The following FBXL18 variants were observed in gnomAD, a reference collection of about 807,000 sequenced individuals.
The protein encoded by FBXL18 is F-box/LRR-repeat protein 18.
In FBXL18, 36 loss-of-function variants were observed where a neutral mutation model predicts 46.0. That is an observed-to-expected ratio of 0.78 (90% CI 0.60 to 1.03). FBXL18 has a LOEUF of 1.03. Ranked by LOEUF, FBXL18 falls within the 50% of genes least tolerant of loss-of-function variation. FBXL18 has a pLI of 0.00. For synonymous variants in FBXL18, 557 were observed against 465.3 expected, an observed-to-expected ratio of 1.20 and a Z score of -2.54; for missense variants, 977 against 1,004.1, an observed-to-expected ratio of 0.97 and a Z score of 0.36.
chr7:5,481,672 G>T lies in FBXL18; in HGVS notation c.*103C>A. ...AGCCAGGTGGGGCGTGGCTGGCCGG[G>T]AGAGAGGCCCCCTTCCTCTTGTGAC... On this transcript the variant is annotated 3_prime_UTR_variant, in exon 5 of 5. Transcript: ENST00000382368. The T allele has an allele frequency of 7.7e-7, 1 of 1,295,098 alleles. No individual in the cohort carries two copies. The highest frequency in any genetic ancestry group is 1.1e-6 in the Non-Finnish European group (1 of 922,256). The allele number at this position is 1,295,098 out of a possible 1,614,324, so 80.2% of individuals were successfully genotyped here.
At chr7:5,471,427 C>A (rs1420574082), downstream of FBXL18, among the ~76,000 whole-genome samples, 7 of 152,210 alleles carry the variant, frequency 4.6e-5, no homozygotes, top group Admixed American at 1.3e-4. Flanking sequence ...CAGGCGCCCG[C>A]CACCACACCC....
At position 5,500,823 on chromosome 7, in the gene FBXL18, C is replaced by A; in HGVS notation, c.1446G>T (p.Leu482=). The A allele has an allele frequency of 6.2e-7, 1 of 1,612,224 alleles. No homozygotes were observed. Among genetic ancestry groups the A allele is most frequent in the Non-Finnish European group, 8.5e-7 (1 of 1,179,500 alleles). The change falls in exon 3 of 5, where the codon CTG becomes CTT. Residue 482 remains leucine, a synonymous_variant. Coordinates refer to ENST00000382368, the MANE Select transcript of FBXL18 (RefSeq NM_024963.6). ...SSVFWSLLKN[L]PFLEHLELIG... ...TCAGCTCGAGGTGTTCCAGGAAGGG[C>A]AGGTTCTTCAGCAGAGACCAGAACA... is the stretch of plus-strand genomic sequence containing the variant.
intron 4 of FBXL18, among the ~76,000 whole-genome samples, chr7:5,457,823 C>T (rs1250326196): frequency 2.0e-5 from 3 of 152,176 alleles, no homozygotes; most frequent in Non-Finnish European, 2.9e-5. Flanking sequence ...CACGTTATGG[C>T]GGAAGGCCAT....
rs538031026 is a variant in FBXL18, at chr7:5,478,846, G to A, written c.*2929C>T. 6.6e-6 allele frequency: 1 copy of A among 152,094 alleles called. No homozygotes were observed. Among genetic ancestry groups the A allele is most frequent in the African/African-American group, 2.4e-5 (1 of 41,406 alleles). The allele number at this position is 152,094 out of a possible 1,614,324, so 9.4% of individuals were successfully genotyped here. A position where few individuals can be genotyped will look rare whatever the true frequency, so the allele number is the denominator to read the frequency against. On this transcript the variant is annotated 3_prime_UTR_variant, in exon 5 of 5. Transcript: ENST00000382368. ...CACACACAGGGCACAGGTACCCGCA[G>A]GCACACGTGCACGCAGGCACACGCA...
intron 4 of FBXL18, chr7:5,490,169 A>T (rs1461501611): frequency 2.2e-6 from 3 of 1,352,688 alleles, no homozygotes; most frequent in African/African-American, 1.5e-5. Flanking sequence ...TCTTCTCGCA[A>T]CTCTGTGAAC....
intron 4 of FBXL18, chr7:5,490,038 A>T: frequency 1.5e-6 from 2 of 1,334,004 alleles, no homozygotes; most frequent in Non-Finnish European, 2.0e-6. Flanking sequence ...GAGAGGGGGA[A>T]ACCCCAACCA....
chr7:5,505,677 T>C, intron 1 of FBXL18, 47 bp from the exon 2 acceptor site: 1 of 1,546,552 alleles, frequency 6.5e-7, no homozygotes, highest in Non-Finnish European at 8.9e-7. Flanking sequence ...CAAGGATGGC[T>C]GTCAGCCTAG....
intron 3 of FBXL18, 100 bp downstream of exon 3, chr7:5,500,388 A>C: frequency 2.7e-6 from 3 of 1,119,398 alleles, no homozygotes; most frequent in Non-Finnish European, 3.8e-6. Context: ...CAGCCTCTGC[A>C]CTCCTGGAGG....
Position 5,492,771 on chromosome 7 carries a change from C to T in FBXL18, c.1782-1322G>A, listed in dbSNP as rs78542442. 4.6e-3 allele frequency among the ~76,000 whole-genome samples: 699 copies of T among 152,232 alleles called. 1 individual carries two copies. The highest frequency in any genetic ancestry group is 7.6e-3 in the Non-Finnish European group (517 of 68,020). ...ACAACAGAGGCAGAGACTGGGGCCA[C>T]GTGTCCACCAGCCAAGCAGTGCCAG... On this transcript the variant is annotated intron_variant, in intron 3 of 4. Coordinates refer to ENST00000382368, the MANE Select transcript of FBXL18 (RefSeq NM_024963.6).
In FBXL18 at chr7:5,455,188, T is replaced by C. The variant is rs574218167; in HGVS notation, c.2001-7345A>G. ...CTCTTGGGGATTATCTTGAGAGCAC[T>C]CTCAGAGGAGCACTCCAAGGAGTAC... On this transcript the variant is annotated intron_variant and NMD_transcript_variant, in intron 4 of 6. Coordinates refer to the FBXL18 transcript ENST00000415009. This position sits in a 1 kb window ranked among gnomAD's most constrained non-coding sequence, Gnocchi z 4.6. Among the ~76,000 whole-genome samples, 4 of 152,152 alleles carry C rather than the reference T, an allele frequency of 2.6e-5. No individual in the cohort carries two copies. The highest frequency in any genetic ancestry group is 9.6e-5 in the African/African-American group (4 of 41,510).
intron 1 of FBXL18, among the ~76,000 whole-genome samples, chr7:5,509,112 G>T (rs1453691503): frequency 6.6e-6 from 1 of 150,702 alleles, no homozygotes; most frequent in Non-Finnish European, 1.5e-5. Context: ...AGAATCGCTT[G>T]AACCCGGGAG....
At chr7:5,511,763 A>T (rs1467693439) in intron 1 of FBXL18, among the ~76,000 whole-genome samples, 1 of 128,202 alleles carries the variant, frequency 7.8e-6, no homozygotes, top group Admixed American at 8.2e-5. Flanking sequence ...GCGAGACTCC[A>T]TCTCAAAAAA....
intron 4 of FBXL18, chr7:5,489,842 G>C (rs1211553797): frequency 2.4e-6 from 1 of 412,182 alleles, no homozygotes; most frequent in Admixed American, 3.7e-5. Flanking sequence ...TGTAATCCCA[G>C]CTGCTCAGGA....
intron 4 of FBXL18, among the ~76,000 whole-genome samples, chr7:5,454,707 C>G (rs529677575): frequency 4.0e-4 from 61 of 152,256 alleles, no homozygotes; most frequent in African/African-American, 1.3e-3. Context: ...GGGCACACAG[C>G]GAGGGAGCAA....
downstream of FBXL18, among the ~76,000 whole-genome samples, chr7:5,472,036 C>A (rs993376921): frequency 6.6e-6 from 1 of 152,134 alleles, no homozygotes; most frequent in African/African-American, 2.4e-5. Context: ...TGCAGTGAAG[C>A]AGGATGACGC....
At chr7:5,503,523 T>C (rs1050843008) in intron 2 of FBXL18, among the ~76,000 whole-genome samples, 15 of 47,312 alleles carry the variant, frequency 3.2e-4, no homozygotes, top group African/African-American at 1.6e-3. Flanking sequence ...CATGCTCATT[T>C]TTCTCTTTTT....
In FBXL18 at chr7:5,455,689, C is replaced by G. The variant is rs192733115; in HGVS notation, c.2001-7846G>C. Among the ~76,000 whole-genome samples, 1 of 152,012 alleles carries G rather than the reference C, an allele frequency of 6.6e-6. No homozygotes were observed. Among genetic ancestry groups the G allele is most frequent in the Non-Finnish European group, 1.5e-5 (1 of 68,006 alleles). ...GGGGCTCAAACCCAGGCTGTGAATTCGGGGAAGTGGGAAACAGAACTTTTT... is the reference window on the plus strand; with the variant it reads ...GGGGCTCAAACCCAGGCTGTGAATTGGGGGAAGTGGGAAACAGAACTTTTT... On this transcript the variant is annotated intron_variant and NMD_transcript_variant, in intron 4 of 6. Coordinates refer to the FBXL18 transcript ENST00000415009. This position sits in a 1 kb window ranked among gnomAD's most constrained non-coding sequence, Gnocchi z 4.6.
At chr7:5,471,883 C>T (rs1263559363), downstream of FBXL18, among the ~76,000 whole-genome samples, 3 of 152,266 alleles carry the variant, frequency 2.0e-5, no homozygotes, top group South Asian at 2.1e-4. Context: ...GAGGCTGAGG[C>T]GGGAGGATTT....
rs942841061 is a variant in FBXL18, at chr7:5,456,302, G to T, written c.2001-8459C>A. 2.0e-5 allele frequency among the ~76,000 whole-genome samples: 3 copies of T among 152,334 alleles called. No homozygotes were observed. The East Asian group carries it at 5.8e-4, about 29-fold the overall frequency. The stretch of plus-strand genomic sequence containing the variant: ...CCTGGGCTCTCAGGAGGCAAAGCCA[G>T]CCATCCCTCAGTTTCCACTTCACCC... On this transcript the variant is annotated intron_variant and NMD_transcript_variant, in intron 4 of 6. Transcript: ENST00000415009.
Sources: gnomAD v4.1 joint callset for allele counts (sites outside exome capture counted in the v4.1 genomes callset) on GRCh38, gnomAD v4.1.1 for gene constraint, Gnocchi (gnomAD v3.1) non-coding constraint, MANE v1.5 for transcripts, NCBI Gene and HGNC (gene_info 2026-07-23, HGNC 2026-07-21) for gene names.